SAMD4A: variants seen among roughly 807,000 people sequenced by gnomAD.
The protein encoded by SAMD4A is sterile alpha motif domain containing 4A, also known as protein Smaug homolog 1.
A neutral mutation model predicts 81.3 loss-of-function variants in SAMD4A; 33 were observed. That is an observed-to-expected ratio of 0.41 (90% CI 0.31 to 0.54). The LOEUF is 0.54. Ranked by LOEUF, SAMD4A falls within the 20% of genes least tolerant of loss-of-function variation. The pLI is 0.37. For missense variants in SAMD4A, 854 were observed against 951.1 expected (o/e 0.90, Z 1.34); for synonymous variants, 389 against 382.1 (o/e 1.02, Z -0.21).
Position 54,702,599 on chromosome 14 carries a change from C to T in SAMD4A, c.715+19C>T. The T allele has an allele frequency of 6.2e-7, 1 of 1,611,088 alleles. No individual in the cohort carries two copies. The highest frequency in any genetic ancestry group is 8.5e-7 in the Non-Finnish European group (1 of 1,178,044). On this transcript the variant is annotated intron_variant, in intron 3 of 12. Coordinates refer to ENST00000554335, the MANE Select transcript of SAMD4A (RefSeq NM_015589.6). The stretch of plus-strand genomic sequence containing the variant: ...AGTACAAGTAAGTTCCCCGGAATCC[C>T]TTTAACGTAGTCTGGTTTGGCGATT...
At chr14:54,764,793 G>T (rs1266924759) in intron 8 of SAMD4A, among the ~76,000 whole-genome samples, 2 of 152,216 alleles carry the variant, frequency 1.3e-5, no homozygotes, top group Non-Finnish European at 2.9e-5. Flanking sequence ...ACGACTTCTG[G>T]CTGGGGAAGC....
At chr14:54,773,045 CCTG>C (rs2038747531) in intron 9 of SAMD4A, among the ~76,000 whole-genome samples, 2 of 152,308 alleles carry the variant, frequency 1.3e-5, no homozygotes, top group South Asian at 4.1e-4. Context: ...ATACCAAGAA[CCTG>C]TGAGTGTCCT....
At chr14:54,613,790 A>G (rs78705190) in intron 2 of SAMD4A, among the ~76,000 whole-genome samples, 2,824 of 152,358 alleles carry the variant, frequency 0.019, 76 homozygotes, top group African/African-American at 0.062. Flanking sequence ...AAAGTGTGGT[A>G]GGGACTCAAA....
intron 6 of SAMD4A, among the ~76,000 whole-genome samples, chr14:54,752,920 T>C (rs894846464): frequency 6.6e-6 from 1 of 152,260 alleles, no homozygotes; most frequent in Non-Finnish European, 1.5e-5. Flanking sequence ...GACGTACACG[T>C]AAGCCAGATT....
chr14:54,787,815 C>A (rs2039178496), intron 12 of SAMD4A, among the ~76,000 whole-genome samples: 1 of 152,210 alleles, frequency 6.6e-6, no homozygotes, highest in Non-Finnish European at 1.5e-5. Context: ...TTATCTGATG[C>A]AGCTGCCAGA....
intron 9 of SAMD4A, 144 bp from the exon 10 acceptor site, chr14:54,774,790 G>T: frequency 2.6e-6 from 2 of 758,430 alleles, no homozygotes; most frequent in Non-Finnish European, 4.2e-6. Flanking sequence ...CTCCAACCTG[G>T]GTAACAGAGT....
intron 2 of SAMD4A, among the ~76,000 whole-genome samples, chr14:54,692,141 A>G (rs183036310): frequency 6.6e-6 from 1 of 152,246 alleles, no homozygotes; most frequent in African/African-American, 2.4e-5. Context: ...TAAGTTGTTG[A>G]GCAACTTCCT....
At chr14:54,612,653 A>G (rs1454744127) in intron 2 of SAMD4A, among the ~76,000 whole-genome samples, 1 of 152,218 alleles carries the variant, frequency 6.6e-6, no homozygotes, top group Non-Finnish European at 1.5e-5. Flanking sequence ...AATTTGTACA[A>G]GAAGACTGAA....
In SAMD4A at chr14:54,760,618, C is replaced by A. The variant is rs1427141919; in HGVS notation, c.1510+124C>A. 6 of 1,334,096 alleles carry A rather than the reference C, an allele frequency of 4.5e-6. No individual in the cohort carries two copies. The East Asian group carries it at 1.9e-4, about 41-fold the overall frequency. The allele number at this position is 1,334,096 out of a possible 1,614,324, so 82.6% of individuals were successfully genotyped here. A position where few individuals can be genotyped will look rare whatever the true frequency, so the allele number is the denominator to read the frequency against. ...TCCAAGTAGACATCATTAGCTTCAT[C>A]TTACAGATAGGGAAAGTGCAGTTCA... is the stretch of plus-strand genomic sequence containing the variant. On this transcript the variant is annotated intron_variant, in intron 7 of 12. Transcript: ENST00000554335.
chr14:54,640,548 G>T (rs551127618), intron 2 of SAMD4A, among the ~76,000 whole-genome samples: 22 of 152,122 alleles, frequency 1.4e-4, no homozygotes, highest in Non-Finnish European at 2.8e-4. Flanking sequence ...TGGAGAAGCC[G>T]GCAGTTTTGT....
At chr14:54,674,737 G>A (rs2035954294) in intron 2 of SAMD4A, among the ~76,000 whole-genome samples, 1 of 152,110 alleles carries the variant, frequency 6.6e-6, no homozygotes, top group African/African-American at 2.4e-5. Flanking sequence ...TCAAATAAGT[G>A]GGCTAGGGAA....
chr14:54,624,796 G>A (rs1463676560), intron 2 of SAMD4A, among the ~76,000 whole-genome samples: 2 of 151,936 alleles, frequency 1.3e-5, no homozygotes, highest in African/African-American at 2.4e-5. Context: ...TTGTTGTTTG[G>A]AGGTAAGTGG....
At chr14:54,721,332 C>T (rs895842632) in intron 3 of SAMD4A, among the ~76,000 whole-genome samples, 7 of 152,134 alleles carry the variant, frequency 4.6e-5, no homozygotes, top group African/African-American at 7.2e-5. Flanking sequence ...GTAGTCCCTA[C>T]GCCCCAATAA....
chr14:54,787,408 G>A (rs1173768497), intron 12 of SAMD4A, among the ~76,000 whole-genome samples: 1 of 152,226 alleles, frequency 6.6e-6, no homozygotes, highest in African/African-American at 2.4e-5. Context: ...CCACTGGCAA[G>A]AGTTGCCAGC....
intron 2 of SAMD4A, among the ~76,000 whole-genome samples, chr14:54,683,635 CATGAAGG>C (rs1237063912): frequency 6.6e-6 from 1 of 152,094 alleles, no homozygotes; most frequent in African/African-American, 2.4e-5. Context: ...CCGCCTGTCT[CATGAAGG>C]AGGAGGAGAA....
At chr14:54,646,974 T>A (rs2035299957) in intron 2 of SAMD4A, among the ~76,000 whole-genome samples, 1 of 152,208 alleles carries the variant, frequency 6.6e-6, no homozygotes, top group East Asian at 1.9e-4. Context: ...CAATGCAGCT[T>A]TTATACAAGA....
intron 2 of SAMD4A, among the ~76,000 whole-genome samples, chr14:54,606,466 C>T (rs564678076): frequency 2.0e-4 from 31 of 152,134 alleles, no homozygotes; most frequent in East Asian, 1.2e-3. Context: ...GATTGGGTGG[C>T]GGGGGGAGGA....
chr14:54,679,603 C>T (rs2036081608), intron 2 of SAMD4A, among the ~76,000 whole-genome samples: 1 of 152,180 alleles, frequency 6.6e-6, no homozygotes, highest in African/African-American at 2.4e-5. Flanking sequence ...CTATCATTAT[C>T]CCAGTACTAA....
At chr14:54,583,172 G>T (rs992652507) in intron 2 of SAMD4A, among the ~76,000 whole-genome samples, 1 of 152,146 alleles carries the variant, frequency 6.6e-6, no homozygotes, top group Admixed American at 6.5e-5. Flanking sequence ...AAGAAATCCT[G>T]CACTGGAACA....
Sources: gnomAD v4.1 joint callset for allele counts (sites outside exome capture counted in the v4.1 genomes callset) on GRCh38, gnomAD v4.1.1 for gene constraint, MANE v1.5 for transcripts, NCBI Gene and HGNC (gene_info 2026-07-23, HGNC 2026-07-21) for gene names.